The following SIM2 variants were observed in gnomAD, a reference collection of about 807,000 sequenced individuals.
SIM2 encodes the protein single-minded homolog 2.
In SIM2, 28 loss-of-function variants were observed where a neutral mutation model predicts 64.8. The ratio of observed to expected loss-of-function variants is 0.43; its 90% CI spans 0.32 to 0.59. The LOEUF is 0.59. Among genes scored for constraint, SIM2 ranks in the 20% least tolerant of loss-of-function variants. The probability of loss-of-function intolerance (pLI) is 0.07; values close to 1 mark genes in which losing one functional copy is unlikely to be tolerated. For synonymous variants in SIM2, 408 were observed against 391.1 expected (o/e 1.04, Z -0.51); for missense variants, 847 against 871.4 (o/e 0.97, Z 0.35).
intron 1 of SIM2, 61 bp from the exon 2 acceptor site, chr21:36,709,107 C>T (rs2088633458): frequency 4.1e-6 from 6 of 1,454,414 alleles, no homozygotes; most frequent in African/African-American, 2.8e-5. Context: ...GTGACCTGCC[C>T]GGCTCCCAGG....
chr21:36,704,997 G>A (rs1213803175), intron 1 of SIM2, among the ~76,000 whole-genome samples: 1 of 152,222 alleles, frequency 6.6e-6, no homozygotes, highest in Non-Finnish European at 1.5e-5. Context: ...CCTTTTGTGG[G>A]GAAAGGAGGC....
chr21:36,719,918 A>G lies in SIM2; in HGVS notation c.446A>G (p.His149Arg). ...VLTAHQPLHH[H>R]LLQEYEIERS... Reference sequence around the variant, plus strand: ...ACGGCCCACCAGCCGCTGCACCACCACCTGCTCCAAGGTATTCCATCCAGA... The same window carrying G: ...ACGGCCCACCAGCCGCTGCACCACCGCCTGCTCCAAGGTATTCCATCCAGA... The change falls in exon 4 of 11, where the codon CAC (histidine) becomes CGC (arginine). Residue 149 changes from histidine to arginine, a missense_variant. His to Arg is a conservative substitution (Grantham distance 29). Transcript: ENST00000290399. 6.3e-7 allele frequency: 1 copy of G among 1,599,452 alleles called. No individual in the cohort carries two copies.
At chr21:36,744,036 G>A (rs771501720) in intron 9 of SIM2, among the ~76,000 whole-genome samples, 90 of 152,294 alleles carry the variant, frequency 5.9e-4, no homozygotes, top group Non-Finnish European at 1.0e-3. Flanking sequence ...ATCACCTGAG[G>A]TCAGGAGTTT....
chr21:36,729,372 C>G (rs1490838005), intron 6 of SIM2, among the ~76,000 whole-genome samples: 8 of 152,106 alleles, frequency 5.3e-5, no homozygotes, highest in African/African-American at 1.9e-4. Context: ...ACAAGGCCCC[C>G]TCCCCGCATC....
rs752729961 is a variant in SIM2, at chr21:36,719,823, G to T, written c.351G>T (p.Val117=). 10 of 1,602,434 alleles carry T rather than the reference G, an allele frequency of 6.2e-6. No homozygotes were observed. The highest frequency in any genetic ancestry group is 8.5e-6 in the Non-Finnish European group (10 of 1,169,822). The change falls in exon 4 of 11, where the codon GTG becomes GTT. Residue 117 remains valine (V), a splice_region_variant and synonymous_variant. Transcript: ENST00000290399. ...TASVHLGLSQ[V]ELTGNSIYEY... ...CTGACCCTTCCCTTCCACGGCAGGT[G>T]GAGCTCACGGGCAACAGTATTTATG...
chr21:36,722,052 T>G (rs1376246192), intron 4 of SIM2, among the ~76,000 whole-genome samples: 1 of 152,194 alleles, frequency 6.6e-6, no homozygotes, highest in African/African-American at 2.4e-5. Context: ...TTGCTGACTT[T>G]CCGTGTCTGA....
At chr21:36,737,972 A>AAAAAAAAAAAAGC (rs2089093698) in intron 7 of SIM2, among the ~76,000 whole-genome samples, 1 of 119,526 alleles carries the variant, frequency 8.4e-6, no homozygotes, top group African/African-American at 2.6e-5. Flanking sequence ...AAAAAAAAAA[A>AAAAAAAAAAAAGC]AAAAAAAAAA....
intron 7 of SIM2, among the ~76,000 whole-genome samples, chr21:36,735,615 C>T (rs2089034822): frequency 6.6e-6 from 1 of 152,180 alleles, no homozygotes; most frequent in South Asian, 2.1e-4. Context: ...TGCTTGGCCC[C>T]ACAGAGTCCC....
chr21:36,715,028 G>C (rs1228684099), intron 3 of SIM2, among the ~76,000 whole-genome samples: 1 of 152,184 alleles, frequency 6.6e-6, no homozygotes, highest in African/African-American at 2.4e-5. Context: ...CTCTCCAGTA[G>C]AAGTGATAGT....
intron 9 of SIM2, among the ~76,000 whole-genome samples, chr21:36,744,311 CA>C (rs60354140): frequency 0.014 from 573 of 41,756 alleles, 1 homozygote; most frequent in Middle Eastern, 0.02. Flanking sequence ...CACATTATGA[CA>C]AAAAAAAAAA....
At chr21:36,730,999 C>A in intron 6 of SIM2, 46 bp from the exon 7 acceptor site, 1 of 1,335,800 alleles carries the variant, frequency 7.5e-7, no homozygotes, top group Non-Finnish European at 1.1e-6. Flanking sequence ...AAATGAAAGG[C>A]AGTCTGCAGA....
intron 2 of SIM2, chr21:36,709,476 G>A (rs1465548632): frequency 1.5e-6 from 1 of 676,412 alleles, no homozygotes; most frequent in Admixed American, 2.0e-5. Context: ...ACACCCCGCC[G>A]AAGGCCCCAG....
intron 7 of SIM2, among the ~76,000 whole-genome samples, chr21:36,740,187 A>G (rs1191517361): frequency 6.6e-6 from 1 of 151,864 alleles, no homozygotes; most frequent in African/African-American, 2.4e-5. Flanking sequence ...GTGTTGAACA[A>G]CTATCACCTT....
In SIM2 at chr21:36,745,499, C is replaced by CGG; in HGVS notation, c.1576+363_1576+364insGG. The CGG allele has an allele frequency of 8.7e-7, 1 of 1,150,776 alleles. No homozygotes were observed. Among genetic ancestry groups the CGG allele is most frequent in the South Asian group, 2.2e-5 (1 of 45,732 alleles). The allele number at this position is 1,150,776 out of a possible 1,614,324, so 71.3% of individuals were successfully genotyped here. A position where few individuals can be genotyped will look rare whatever the true frequency, so the allele number is the denominator to read the frequency against. ...CCAGCTGCATTTCTTTTGCAAGATT[C>CGG]CTTTCCACTCCAACCAGAAGTGAAT... On this transcript the variant is annotated intron_variant, in intron 10 of 10. Transcript: ENST00000290399. The surrounding 1 kb of genome is among the most constrained non-coding windows in gnomAD (Gnocchi z 4.8).
intron 7 of SIM2, among the ~76,000 whole-genome samples, chr21:36,731,618 C>T (rs1044048588): frequency 8.5e-5 from 13 of 152,148 alleles, no homozygotes; most frequent in African/African-American, 2.7e-4. Context: ...AGCCGCTTGC[C>T]CACCTTCATA....
intron 9 of SIM2, 119 bp downstream of exon 9, chr21:36,743,674 A>C (rs1167447239): frequency 9.9e-7 from 1 of 1,006,796 alleles, no homozygotes; most frequent in South Asian, 1.6e-5. Flanking sequence ...CCTGCCGTGG[A>C]GCAAGGTCCC....
intron 1 of SIM2, among the ~76,000 whole-genome samples, chr21:36,707,969 C>CGG (rs1555873973): frequency 1.6e-4 from 2 of 12,630 alleles, no homozygotes; most frequent in Non-Finnish European, 2.7e-4. Context: ...CTGGGCCTGG[C>CGG]CCAGCGTGGG....
intron 1 of SIM2, among the ~76,000 whole-genome samples, chr21:36,700,235 T>C (rs2088470861): frequency 6.6e-6 from 1 of 152,140 alleles, no homozygotes; most frequent in Non-Finnish European, 1.5e-5. Context: ...TCTTTCTCCC[T>C]TTCCTCCTTC....
At position 36,744,934 on chromosome 21, in the gene SIM2, G is replaced by C; in HGVS notation, c.1374G>C (p.Lys458Asn). ...PLDSHVFSSK[K>N]PMLPAKFGQP... Reference sequence around the variant, plus strand: ...ACTCTCACGTCTTCAGCAGCAAAAAGCCAATGTTGCCGGCCAAGTTCGGGC... The same window carrying C: ...ACTCTCACGTCTTCAGCAGCAAAAACCCAATGTTGCCGGCCAAGTTCGGGC... The change falls in exon 10 of 11, where the codon AAG (lysine) becomes AAC (asparagine). Residue 458 changes from lysine to asparagine, a missense_variant. Transcript: ENST00000290399. 1 of 1,614,250 alleles carries C rather than the reference G, an allele frequency of 6.2e-7. No individual in the cohort carries two copies. The highest frequency in any genetic ancestry group is 8.5e-7 in the Non-Finnish European group (1 of 1,180,042).
Sources: gnomAD v4.1 joint callset for allele counts (sites outside exome capture counted in the v4.1 genomes callset) on GRCh38, gnomAD v4.1.1 for gene constraint, Gnocchi (gnomAD v3.1) non-coding constraint, MANE v1.5 for transcripts, NCBI Gene and HGNC (gene_info 2026-07-23, HGNC 2026-07-21) for gene names.